Variants in RPS6KA5 observed in about 807,000 individuals in gnomAD.
RPS6KA5 encodes the protein ribosomal protein S6 kinase A5.
Under a neutral mutation model 85.5 loss-of-function variants are expected in RPS6KA5, and 27 were observed. The observed-to-expected ratio is 0.32, with a 90% CI of 0.23 to 0.44. The LOEUF is 0.44. RPS6KA5 is among the 20% of genes least tolerant of loss of function. RPS6KA5 has a pLI of 1.00. For missense variants in RPS6KA5, 811 were observed against 980.9 expected (o/e 0.83, Z 2.31); for synonymous variants, 334 against 348.2 (o/e 0.96, Z 0.46).
At chr14:90,898,373 G>A (rs1476211467) in intron 12 of RPS6KA5, among the ~76,000 whole-genome samples, 1 of 152,118 alleles carries the variant, frequency 6.6e-6, no homozygotes, top group East Asian at 1.9e-4. Flanking sequence ...CTGCTGCCTG[G>A]TCTCACCATG....
intron 12 of RPS6KA5, among the ~76,000 whole-genome samples, chr14:90,897,002 C>G (rs1169419842): frequency 6.6e-6 from 1 of 152,176 alleles, no homozygotes; most frequent in Admixed American, 6.5e-5. Flanking sequence ...GAATTACAGG[C>G]ATGAGCCAGG....
chr14:90,900,073 C>A, intron 11 of RPS6KA5, 35 bp downstream of exon 11: 2 of 1,485,292 alleles, frequency 1.3e-6, no homozygotes, highest in South Asian at 1.4e-5. Context: ...TTCATGAATA[C>A]CTAAGAAAGA....
intron 5 of RPS6KA5, among the ~76,000 whole-genome samples, chr14:90,923,428 TCATCCATCCATC>T (rs3832953): frequency 2.1e-4 from 31 of 150,940 alleles, no homozygotes; most frequent in East Asian, 5.8e-4. Context: ...AATGGTACCA[TCATCCATCCATC>T]CATCCATCCA....
In RPS6KA5 at chr14:90,978,400, T is replaced by C. The variant is rs769492817; in HGVS notation, c.300A>G (p.Thr100=). The C allele has an allele frequency of 1.3e-5, 21 of 1,613,962 alleles. No homozygotes were observed. The East Asian group carries it at 3.8e-4, about 29-fold the overall frequency. ...TAATGTGTTCCAGGACTTGTCGTTC[T>C]GTCCTTGTATGCTCTGTGGTTTTGG... is the stretch of plus-strand genomic sequence containing the variant. ...QKAKTTEHTR[T]ERQVLEHIRQ... The change falls in exon 3 of 17, where the codon ACA becomes ACG. Residue 100 remains threonine (T), a synonymous_variant. Transcript: ENST00000614987.
chr14:91,014,794 A>G (rs964275393), intron 1 of RPS6KA5, among the ~76,000 whole-genome samples: 1 of 152,064 alleles, frequency 6.6e-6, no homozygotes, highest in African/African-American at 2.4e-5. Flanking sequence ...AAATATTTCA[A>G]GTTTTTACAT....
rs1248659826 is a variant in RPS6KA5, at chr14:90,861,571, T to TA, written c.*10502dup. On this transcript the variant is annotated 3_prime_UTR_variant, in exon 17 of 17. Transcript: ENST00000614987. ...GAAGTCTAAAACACATATATAGAGA[T>TA]AAAACATACATAGAATGTAGAAGTA... 2 of 149,242 alleles carry TA rather than the reference T, an allele frequency of 1.3e-5. No homozygotes were observed. The highest frequency in any genetic ancestry group is 4.9e-5 in the African/African-American group (2 of 40,790). The allele number at this position is 149,242 out of a possible 1,614,324, so 9.2% of individuals were successfully genotyped here. A position where few individuals can be genotyped will look rare whatever the true frequency, so the allele number is the denominator to read the frequency against.
intron 14 of RPS6KA5, among the ~76,000 whole-genome samples, chr14:90,878,087 T>C (rs985031894): frequency 2.6e-5 from 4 of 152,234 alleles, no homozygotes; most frequent in African/African-American, 9.6e-5. Flanking sequence ...CACCTGTAGA[T>C]GCCCTATCAC....
Position 90,978,461 on chromosome 14 carries a change from A to T in RPS6KA5, c.239T>A (p.Met80Lys). Residue 80 changes from methionine (M) to lysine (K), a missense_variant, in exon 3 of 17, where the codon ATG becomes AAG. Physicochemically the swap from Met to Lys is moderately conservative, Grantham distance 95. Around this residue, in one of 3 missense-constraint regions of RPS6KA5, gnomAD observed 48 missense variants for 87.6 expected, o/e 0.55. Coordinates refer to ENST00000614987, the MANE Select transcript of RPS6KA5 (RefSeq NM_004755.4). The stretch of plus-strand genomic sequence containing the variant: ...GATTGTTGCCTTTTTCAAAACTTTC[A>T]TGGCATACAGCTTTCCAGTATCATG... ...SGHDTGKLYA[M>K]KVLKKATIVQ... 6.2e-7 allele frequency: 1 copy of T among 1,613,892 alleles called. No individual in the cohort carries two copies. Among genetic ancestry groups the T allele is most frequent in the Non-Finnish European group, 8.5e-7 (1 of 1,179,886 alleles).
At chr14:90,974,979 T>A (rs536120336) in intron 3 of RPS6KA5, among the ~76,000 whole-genome samples, 1 of 152,308 alleles carries the variant, frequency 6.6e-6, no homozygotes, top group East Asian at 1.9e-4. Context: ...ACAAATCATA[T>A]ACGGGACAAA....
chr14:90,879,496 T>C (rs1485015518), intron 14 of RPS6KA5, among the ~76,000 whole-genome samples: 1 of 152,138 alleles, frequency 6.6e-6, no homozygotes, highest in African/African-American at 2.4e-5. Context: ...GCTGAACCAA[T>C]GGCTGATGGG....
chr14:91,003,785 A>G (rs533438373), intron 1 of RPS6KA5, among the ~76,000 whole-genome samples: 1 of 152,328 alleles, frequency 6.6e-6, no homozygotes, highest in East Asian at 1.9e-4. Flanking sequence ...GGAAAACTCA[A>G]GAATGCTGGT....
chr14:90,939,442 G>GTACCAATTTA (rs2037453634), intron 5 of RPS6KA5, among the ~76,000 whole-genome samples: 1 of 152,140 alleles, frequency 6.6e-6, no homozygotes, highest in African/African-American at 2.4e-5. Context: ...CCCACTCGTG[G>GTACCAATTTA]TACCAATTTA....
Position 91,026,821 on chromosome 14 carries a change from T to G in RPS6KA5, c.104-25662A>C, listed in dbSNP as rs116466772. 8.3e-3 allele frequency among the ~76,000 whole-genome samples: 1,262 copies of G among 152,332 alleles called. 7 individuals carry two copies. Among genetic ancestry groups the G allele is most frequent in the South Asian group, 0.031 (149 of 4,828 alleles). ...TTTTTTACTTTCTAATAAAAGCCAT[T>G]CTGACTGGTGTGAGATGGCATCTGT... is the stretch of plus-strand genomic sequence containing the variant. On this transcript the variant is annotated intron_variant, in intron 1 of 16. Coordinates refer to ENST00000614987, the MANE Select transcript of RPS6KA5 (RefSeq NM_004755.4).
At chr14:90,989,668 TAA>T (rs1357928384) in intron 2 of RPS6KA5, among the ~76,000 whole-genome samples, 1 of 151,950 alleles carries the variant, frequency 6.6e-6, no homozygotes, top group Non-Finnish European at 1.5e-5. Context: ...GCAGAGAGAT[TAA>T]AAAAGAAATA....
rs993821911 is a variant in RPS6KA5 at position 90,853,550 on chromosome 14, G to C, written c.*18524C>G. 6.6e-6 allele frequency: 1 copy of C among 151,208 alleles called. No homozygotes were observed. The highest frequency in any genetic ancestry group is 1.5e-5 in the Non-Finnish European group (1 of 67,886). The allele number at this position is 151,208 out of a possible 1,614,324, so 9.4% of individuals were successfully genotyped here. ...TTTAAATACCTAAAATTTAGGTTGGGCACAGTGGCTCACGCCTGTAATCCC... is the reference window on the plus strand; with the variant it reads ...TTTAAATACCTAAAATTTAGGTTGGCCACAGTGGCTCACGCCTGTAATCCC... On this transcript the variant is annotated 3_prime_UTR_variant, in exon 17 of 17. Transcript: ENST00000614987.
chr14:90,894,643 A>G (rs1443317161), intron 12 of RPS6KA5, 60 bp from the exon 13 acceptor site: 4 of 1,551,590 alleles, frequency 2.6e-6, no homozygotes, highest in African/African-American at 1.4e-5. Flanking sequence ...CTATTAACAT[A>G]TAAAACATTT....
intron 1 of RPS6KA5, among the ~76,000 whole-genome samples, chr14:91,005,947 G>A (rs2041000240): frequency 1.4e-4 from 1 of 7,382 alleles, no homozygotes; most frequent in Non-Finnish European, 1.8e-4. Flanking sequence ...CTACCTGCAT[G>A]CCTAGATCAG....
intron 1 of RPS6KA5, among the ~76,000 whole-genome samples, chr14:91,050,729 G>A (rs980345734): frequency 3.9e-5 from 6 of 151,960 alleles, no homozygotes; most frequent in South Asian, 2.1e-4. Context: ...GCGCCCAGCC[G>A]GCTTGCTTTT....
rs916901003 is a variant in RPS6KA5, at chr14:90,859,100, G to A, written c.*12974C>T. 1 of 152,194 alleles carries A rather than the reference G, an allele frequency of 6.6e-6. No homozygotes were observed. Among genetic ancestry groups the A allele is most frequent in the Non-Finnish European group, 1.5e-5 (1 of 68,082 alleles). 9.4% of individuals were successfully genotyped at this position (152,194 alleles called of 1,614,324 possible). A position where few individuals can be genotyped will look rare whatever the true frequency, so the allele number is the denominator to read the frequency against. On this transcript the variant is annotated 3_prime_UTR_variant, in exon 17 of 17. Coordinates refer to ENST00000614987, the MANE Select transcript of RPS6KA5 (RefSeq NM_004755.4). The stretch of plus-strand genomic sequence containing the variant: ...AAGGTCACCGAGGTGAAGTGGCCCT[G>A]ATAAACACCCTAGATTTTCAGATGA...
Sources: gnomAD v4.1 joint callset for allele counts (sites outside exome capture counted in the v4.1 genomes callset) on GRCh38, gnomAD v4.1.1 for gene constraint, gnomAD v4.1.1 regional missense constraint, MANE v1.5 for transcripts, NCBI Gene and HGNC (gene_info 2026-07-23, HGNC 2026-07-21) for gene names.